RALYL: variants seen among roughly 807,000 people sequenced by gnomAD.
RALYL encodes RALY RNA binding protein like.
A neutral mutation model predicts 35.1 loss-of-function variants in RALYL; 29 were observed. The ratio of observed to expected loss-of-function variants is 0.83; its 90% confidence interval spans 0.61 to 1.13. The LOEUF (loss-of-function observed/expected upper bound fraction) is 1.13, where lower values mean the gene tolerates loss of function less well. Ranked by LOEUF, RALYL falls within the 50% of genes most tolerant of loss-of-function variation. RALYL has a pLI of 0.00. For synonymous variants in RALYL, 120 were observed against 127.6 expected, an observed-to-expected ratio of 0.94 and a Z score of 0.40; for missense variants, 359 against 360.4, an observed-to-expected ratio of 1.00 and a Z score of 0.03.
intron 1 of RALYL, among the ~76,000 whole-genome samples, chr8:84,202,586 C>A (rs977676835): frequency 1.3e-5 from 2 of 151,936 alleles, no homozygotes; most frequent in Admixed American, 6.6e-5. Flanking sequence ...CTTGGCCAGG[C>A]TGGTCTTGAA....
intron 1 of RALYL, among the ~76,000 whole-genome samples, chr8:84,325,026 A>G (rs1845555078): frequency 6.6e-6 from 1 of 152,118 alleles, no homozygotes; most frequent in Non-Finnish European, 1.5e-5. Flanking sequence ...CAGCCTTTTA[A>G]TAATCTTTCT....
intron 2 of RALYL, among the ~76,000 whole-genome samples, chr8:84,632,837 A>G (rs2131267041): frequency 6.6e-6 from 1 of 152,050 alleles, no homozygotes; most frequent in South Asian, 2.1e-4. Context: ...CATTTCAGCA[A>G]CATTGAATTG....
At chr8:84,456,542 GA>G (rs1156737157) in intron 1 of RALYL, among the ~76,000 whole-genome samples, 1 of 150,424 alleles carries the variant, frequency 6.6e-6, no homozygotes, top group East Asian at 2.0e-4. Flanking sequence ...TGCTTCTAAA[GA>G]AAAAAAAAGG....
chr8:84,462,965 C>A (rs568714087), intron 1 of RALYL, among the ~76,000 whole-genome samples: 1 of 151,910 alleles, frequency 6.6e-6, no homozygotes, highest in African/African-American at 2.4e-5. Flanking sequence ...ATATTAAGCA[C>A]CCATTTTTAA....
At chr8:84,879,142 T>G (rs573947789) in intron 7 of RALYL, among the ~76,000 whole-genome samples, 25 of 152,232 alleles carry the variant, frequency 1.6e-4, no homozygotes, top group Admixed American at 1.1e-3. Context: ...AGATGAGCTG[T>G]GCAAGAGATC....
intron 1 of RALYL, among the ~76,000 whole-genome samples, chr8:84,395,868 A>G (rs1310734911): frequency 6.6e-6 from 1 of 151,928 alleles, no homozygotes; most frequent in African/African-American, 2.4e-5. Flanking sequence ...AGGGATGTAA[A>G]TTTCACTATT....
intron 1 of RALYL, among the ~76,000 whole-genome samples, chr8:84,346,704 G>T (rs1369074165): frequency 6.6e-6 from 1 of 151,938 alleles, no homozygotes; most frequent in South Asian, 2.1e-4. Flanking sequence ...CCTAATTTCA[G>T]GTGATCTGCC....
intron 2 of RALYL, among the ~76,000 whole-genome samples, chr8:84,639,267 T>C (rs1480434044): frequency 2.0e-5 from 3 of 151,778 alleles, no homozygotes; most frequent in African/African-American, 7.3e-5. Context: ...AGTTAGAACA[T>C]AGAGAAAAAG....
chr8:84,188,089 T>C (rs1812962233), intron 1 of RALYL, among the ~76,000 whole-genome samples: 2 of 152,070 alleles, frequency 1.3e-5, no homozygotes, highest in South Asian at 4.1e-4. Flanking sequence ...ATTTTTATTT[T>C]AGTTGTTTAT....
chr8:84,381,753 A>G (rs192635564), intron 1 of RALYL, among the ~76,000 whole-genome samples: 2 of 151,798 alleles, frequency 1.3e-5, no homozygotes, highest in East Asian at 3.9e-4. Flanking sequence ...CAAATGTATT[A>G]TTTTTGCTGC....
chr8:84,772,611 T>G (rs1815827197), intron 2 of RALYL, among the ~76,000 whole-genome samples: 1 of 152,098 alleles, frequency 6.6e-6, no homozygotes, highest in African/African-American at 2.4e-5. Context: ...TAATATACTT[T>G]AGACTGTATT....
At chr8:84,851,812 TA>T (rs1328815494) in intron 5 of RALYL, among the ~76,000 whole-genome samples, 1 of 152,222 alleles carries the variant, frequency 6.6e-6, no homozygotes, top group Non-Finnish European at 1.5e-5. Flanking sequence ...CCTCACAGAT[TA>T]AATTAGGTTC....
intron 1 of RALYL, among the ~76,000 whole-genome samples, chr8:84,377,471 T>TG: frequency 7.0e-6 from 1 of 142,362 alleles, no homozygotes; most frequent in African/African-American, 2.9e-5. Flanking sequence ...TTTTTTTTTT[T>TG]TTTTCTTAAA....
At position 84,544,344 on chromosome 8, in the gene RALYL, A is replaced by T. The variant is rs1011029991; in HGVS notation, c.256+14767A>T. ...CCCACTTGTAAACTTTTATTTTTTT[A>T]AAAATCTAATCTATTTTTCTATCTA... is the stretch of plus-strand genomic sequence containing the variant. On this transcript the variant is annotated intron_variant, in intron 2 of 8. Coordinates refer to ENST00000521268, the MANE Select transcript of RALYL (RefSeq NM_173848.7). Among the ~76,000 whole-genome samples the T allele has an allele frequency of 2.0e-5, 3 of 152,030 alleles. No homozygotes were observed. The East Asian group carries it at 5.8e-4, about 29-fold the overall frequency.
chr8:84,469,829 T>C (rs1261962845), intron 1 of RALYL, among the ~76,000 whole-genome samples: 1 of 152,074 alleles, frequency 6.6e-6, no homozygotes, highest in African/African-American at 2.4e-5. Flanking sequence ...AGGTGCGGGA[T>C]ATAATCTCGT....
chr8:84,461,180 G>A (rs1362686629), intron 1 of RALYL, among the ~76,000 whole-genome samples: 1 of 151,586 alleles, frequency 6.6e-6, no homozygotes, highest in African/African-American at 2.4e-5. Context: ...TCTTTTAAAT[G>A]TGGAAACCCT....
chr8:84,889,291 C>G (rs1843424022), intron 8 of RALYL, among the ~76,000 whole-genome samples: 1 of 152,196 alleles, frequency 6.6e-6, no homozygotes, highest in African/African-American at 2.4e-5. Context: ...CAGATCTCTG[C>G]TGTCAGGATT....
chr8:84,822,612 C>T (rs1828785182), intron 4 of RALYL, among the ~76,000 whole-genome samples: 1 of 152,012 alleles, frequency 6.6e-6, no homozygotes, highest in Non-Finnish European at 1.5e-5. Flanking sequence ...TTCCATATTA[C>T]AAAGATAACA....
At chr8:84,690,367 A>AG (rs1837779910) in intron 2 of RALYL, among the ~76,000 whole-genome samples, 1 of 152,152 alleles carries the variant, frequency 6.6e-6, no homozygotes, top group East Asian at 1.9e-4. Context: ...GGTAGTTGGC[A>AG]GGGGCTGAAG....
Sources: gnomAD v4.1 joint callset for allele counts (sites outside exome capture counted in the v4.1 genomes callset) on GRCh38, gnomAD v4.1.1 for gene constraint, MANE v1.5 for transcripts, NCBI Gene and HGNC (gene_info 2026-07-23, HGNC 2026-07-21) for gene names.